Variants in HIP1R observed in about 807,000 individuals in gnomAD.
The protein encoded by HIP1R is huntingtin-interacting protein 1-related protein.
Under a neutral mutation model 144.2 loss-of-function variants are expected in HIP1R, and 135 were observed. The ratio of observed to expected loss-of-function variants is 0.94; its 90% CI spans 0.81 to 1.08. The LOEUF is 1.08. Ranked by LOEUF, HIP1R falls within the 50% of genes least tolerant of loss-of-function variation. The pLI is 0.00. For missense variants in HIP1R, 1,462 were observed against 1,432.8 expected (o/e 1.02, Z -0.33); for synonymous variants, 698 against 612.8 (o/e 1.14, Z -2.05).
chr12:122,860,464 C>G lies in HIP1R; in HGVS notation c.2601C>G (p.Arg867=). The change falls in exon 27 of 32, where the codon CGC becomes CGG. Residue 867 remains arginine (R), a synonymous_variant. Coordinates refer to ENST00000253083, the MANE Select transcript of HIP1R (RefSeq NM_003959.3). ...TQQEFYAKNS[R]WTEGLISASK... ...AGGAATTTTACGCCAAGAACTCGCGCTGGACCGAAGGCCTCATCTCGGCCT... is the reference window on the plus strand; with the variant it reads ...AGGAATTTTACGCCAAGAACTCGCGGTGGACCGAAGGCCTCATCTCGGCCT... The G allele has an allele frequency of 6.2e-7, 1 of 1,613,414 alleles. No individual in the cohort carries two copies. The highest frequency in any genetic ancestry group is 8.5e-7 in the Non-Finnish European group (1 of 1,180,008).
At chr12:122,860,006 C>T (rs1462672111) in intron 24 of HIP1R, 41 bp from the exon 25 acceptor site, 19 of 1,537,950 alleles carry the variant, frequency 1.2e-5, no homozygotes, top group Non-Finnish European at 1.6e-5. Context: ...GTGTGGGCTG[C>T]TCTGCAGAGC....
chr12:122,848,499 C>T lies in HIP1R; in HGVS notation c.191C>T (p.Ala64Val), dbSNP rs1176558716. ...CTGGGCACACACCACGAGAAGGGGG[C>T]TTTCACCTTCTGGTCCTACGCCATT... ...IILGTHHEKG[A>V]FTFWSYAIGL... The change falls in exon 3 of 32, where the codon GCT becomes GTT. Residue 64 changes from alanine (A) to valine (V), a missense_variant. By Grantham distance (64) the Ala-to-Val change is moderately conservative. Around this residue, in one of 2 missense-constraint regions of HIP1R, gnomAD observed 350 missense variants for 421.1 expected, o/e 0.83. Coordinates refer to ENST00000253083, the MANE Select transcript of HIP1R (RefSeq NM_003959.3). 1 of 1,613,216 alleles carries T rather than the reference C, an allele frequency of 6.2e-7. No homozygotes were observed. The highest frequency in any genetic ancestry group is 1.1e-5 in the South Asian group (1 of 91,070).
chr12:122,839,119 C>T (rs2032986560), intron 1 of HIP1R, among the ~76,000 whole-genome samples: 2 of 152,234 alleles, frequency 1.3e-5, no homozygotes, highest in Admixed American at 6.5e-5. Context: ...CCGTCTTTCT[C>T]CCTTCCCTTC....
intron 19 of HIP1R, 35 bp downstream of exon 19, chr12:122,858,284 C>A: frequency 6.3e-7 from 1 of 1,579,074 alleles, no homozygotes; most frequent in South Asian, 1.1e-5. Context: ...CGCTCCCCTG[C>A]CTCCTTCCCA....
Position 122,856,179 on chromosome 12 carries a change from G to C in HIP1R, c.1312+16G>C. On this transcript the variant is annotated intron_variant, in intron 14 of 31. Coordinates refer to ENST00000253083, the MANE Select transcript of HIP1R (RefSeq NM_003959.3). ...GAGGCTGAGAGTACGTGGGGCCTTG[G>C]CCACAGGGGTCCAAGGGTGTGTCCC... 1 of 1,609,644 alleles carries C rather than the reference G, an allele frequency of 6.2e-7. No homozygotes were observed.
At chr12:122,837,644 G>GT (rs1264481812) in intron 1 of HIP1R, among the ~76,000 whole-genome samples, 2 of 152,160 alleles carry the variant, frequency 1.3e-5, no homozygotes, top group Non-Finnish European at 2.9e-5. Context: ...TTTTGCTCTG[G>GT]TTTTTTCTCA....
At chr12:122,849,695 G>A (rs1012378602) in intron 4 of HIP1R, among the ~76,000 whole-genome samples, 180 bp from the exon 5 acceptor site, 6 of 152,270 alleles carry the variant, frequency 3.9e-5, no homozygotes, top group African/African-American at 1.4e-4. Flanking sequence ...TGGCAGGAAT[G>A]ACAAGGAGGA....
chr12:122,855,170 A>G, intron 10 of HIP1R, 42 bp downstream of exon 10: 1 of 1,610,798 alleles, frequency 6.2e-7, no homozygotes, highest in Non-Finnish European at 8.5e-7. Flanking sequence ...TGAGGACCCC[A>G]GGCACCTGGC....
intron 24 of HIP1R, 70 bp downstream of exon 24, chr12:122,859,900 C>A: frequency 6.6e-7 from 1 of 1,518,042 alleles, no homozygotes; most frequent in Non-Finnish European, 9.0e-7. Context: ...GTTCTGCCCC[C>A]AACTGTTCTG....
At chr12:122,847,637 C>T (rs2033246567) in intron 1 of HIP1R, among the ~76,000 whole-genome samples, 2 of 152,182 alleles carry the variant, frequency 1.3e-5, no homozygotes, top group African/African-American at 4.8e-5. Context: ...GGGCCCCAGC[C>T]GGGGGCTCCA....
chr12:122,846,926 G>T (rs1325386709), intron 1 of HIP1R, among the ~76,000 whole-genome samples: 2 of 152,250 alleles, frequency 1.3e-5, no homozygotes, highest in African/African-American at 4.8e-5. Flanking sequence ...AGAGTGCAGT[G>T]GTGTCTGGGG....
chr12:122,861,522 C>T lies in HIP1R; in HGVS notation c.3159+8C>T. 1 of 1,608,148 alleles carries T rather than the reference C, an allele frequency of 6.2e-7. No individual in the cohort carries two copies. The highest frequency in any genetic ancestry group is 8.5e-7 in the Non-Finnish European group (1 of 1,177,468). ...CCCAGACAGGACCACCAGGTGCCGT[C>T]TGCACTGGGATGGGGGAGTTCCTGG... is the stretch of plus-strand genomic sequence containing the variant. On this transcript the variant is annotated splice_region_variant and intron_variant, in intron 31 of 31. Coordinates refer to ENST00000253083, the MANE Select transcript of HIP1R (RefSeq NM_003959.3).
At chr12:122,857,903 C>A in intron 18 of HIP1R, 199 bp from the exon 19 acceptor site, 1 of 446,254 alleles carries the variant, frequency 2.2e-6, no homozygotes, top group East Asian at 3.4e-5. Context: ...GGACCTTGAG[C>A]TCACGTTTTA....
At chr12:122,856,852 C>G in intron 17 of HIP1R, 126 bp downstream of exon 17, 1 of 1,061,006 alleles carries the variant, frequency 9.4e-7, no homozygotes, top group Admixed American at 2.1e-5. Context: ...CAGCCCTGAC[C>G]CAGACCCAGG....
At position 122,856,731 on chromosome 12, in the gene HIP1R, A is replaced by G; in HGVS notation, c.1620+5A>G. ...GCCCTGAGCCACACAGAGCAGGTGC[A>G]TCTGGCTTTGATGACTGGAGGTGGG... On this transcript the variant is annotated splice_donor_5th_base_variant and intron_variant, in intron 17 of 31. Transcript: ENST00000253083. The G allele has an allele frequency of 6.4e-7, 1 of 1,566,194 alleles. No individual in the cohort carries two copies. Among genetic ancestry groups the G allele is most frequent in the Non-Finnish European group, 8.7e-7 (1 of 1,155,770 alleles).
In HIP1R at chr12:122,856,643, C is replaced by T; in HGVS notation, c.1537C>T (p.Gln513Ter). ...GTCCCAGCTAGAGGAGAAGAGCGAC[C>T]AGCTGGAGAAGCTCAAGAGGGAGCT... ...SELKLEEKSD[Q>*]LEKLKRELEA... The change falls in exon 17 of 32, where the codon CAG (glutamine) becomes TAG (stop). Residue 513 changes from glutamine (Q) to a stop codon, truncating the protein, a stop_gained. Transcript: ENST00000253083. LOFTEE classifies it high-confidence loss of function. 3.1e-6 allele frequency: 5 copies of T among 1,605,120 alleles called. No homozygotes were observed. The highest frequency in any genetic ancestry group is 4.3e-6 in the Non-Finnish European group (5 of 1,175,960).
intron 18 of HIP1R, chr12:122,857,522 G>C (rs2033625405): frequency 2.0e-6 from 1 of 511,460 alleles, no homozygotes; most frequent in African/African-American, 1.9e-5. Context: ...GTTGTAAATA[G>C]TGCTGCTGTG....
chr12:122,844,534 A>T (rs999559318), intron 1 of HIP1R, among the ~76,000 whole-genome samples: 4 of 151,956 alleles, frequency 2.6e-5, no homozygotes, highest in Non-Finnish European at 5.9e-5. Context: ...CCTCCTCCTC[A>T]TGCTCTCATG....
At chr12:122,845,169 C>G (rs2135640568) in intron 1 of HIP1R, among the ~76,000 whole-genome samples, 1 of 152,340 alleles carries the variant, frequency 6.6e-6, no homozygotes, top group Non-Finnish European at 1.5e-5. Context: ...CCTCAGAACC[C>G]TGGAGCCACT....
Sources: allele counts gnomAD v4.1 joint callset (sites outside exome capture counted in the v4.1 genomes callset), GRCh38; gene constraint gnomAD v4.1.1; regional missense constraint gnomAD v4.1.1; transcripts MANE v1.5; gene names NCBI Gene and HGNC (gene_info 2026-07-23, HGNC 2026-07-21).